The following MYCBP2 variants were observed in gnomAD, a reference collection of about 807,000 sequenced individuals.
MYCBP2 encodes the protein E3 ubiquitin-protein ligase MYCBP2.
MYCBP2 carries 120 observed loss-of-function variants against 525.3 expected under a neutral mutation model. The ratio of observed to expected loss-of-function variants is 0.23; its 90% CI spans 0.20 to 0.27. The LOEUF (loss-of-function observed/expected upper bound fraction) is 0.27. Ranked by LOEUF, MYCBP2 falls within the 10% of genes least tolerant of loss-of-function variation. The pLI, the probability that MYCBP2 is intolerant of heterozygous loss-of-function variation, is 1.00. For synonymous variants in MYCBP2, 1,894 were observed against 1,955.8 expected (o/e 0.97, Z 0.83); for missense variants, 4,149 against 5,657.1 (o/e 0.73, Z 8.55).
At chr13:77,239,995 T>C in intron 17 of MYCBP2, among the ~76,000 whole-genome samples, 1 of 152,280 alleles carries the variant, frequency 6.6e-6, no homozygotes, top group Admixed American at 6.5e-5. Flanking sequence ...ATAAAAAATA[T>C]CTATAAACTC....
At position 77,246,809 on chromosome 13, in the gene MYCBP2, T is replaced by C. The variant is rs907041219; in HGVS notation, c.2382-2858A>G. On this transcript the variant is annotated intron_variant, in intron 15 of 82. Transcript: ENST00000544440. ...AACGAAGTGGGATTTACTCCTGGAA[T>C]GCAACAAATGAAAATCAATCCATGT... 3.2e-4 allele frequency among the ~76,000 whole-genome samples: 49 copies of C among 152,082 alleles called. 2 individuals carry two copies. Among genetic ancestry groups the C allele is most frequent in the Non-Finnish European group, 4.4e-5 (3 of 68,022 alleles).
chr13:77,126,129 C>T (rs2051625983), intron 53 of MYCBP2, among the ~76,000 whole-genome samples, 189 bp downstream of exon 53: 2 of 152,176 alleles, frequency 1.3e-5, no homozygotes, highest in South Asian at 2.1e-4. Context: ...ATATTGTTTA[C>T]ACAAGGATAA....
At chr13:77,278,030 AC>A (rs1188246948) in intron 4 of MYCBP2, among the ~76,000 whole-genome samples, 4 of 152,240 alleles carry the variant, frequency 2.6e-5, no homozygotes, top group Admixed American at 6.5e-5. Context: ...ATCGGAACAT[AC>A]TTTAAGAAAA....
intron 55 of MYCBP2, among the ~76,000 whole-genome samples, chr13:77,115,574 A>G (rs557492922): frequency 2.0e-5 from 3 of 151,866 alleles, no homozygotes; most frequent in Admixed American, 2.0e-4. Flanking sequence ...CAAATATTCT[A>G]TTTTATGGAA....
At chr13:77,302,572 A>G (rs1036291058) in intron 1 of MYCBP2, among the ~76,000 whole-genome samples, 1 of 152,188 alleles carries the variant, frequency 6.6e-6, no homozygotes, top group African/African-American at 2.4e-5. Flanking sequence ...ACAAAAATAA[A>G]GATGTTTTTA....
chr13:77,179,948 G>A (rs766320735), intron 34 of MYCBP2, among the ~76,000 whole-genome samples, 179 bp downstream of exon 34: 1 of 152,088 alleles, frequency 6.6e-6, no homozygotes, highest in Admixed American at 6.5e-5. Flanking sequence ...TGGTGAGAGA[G>A]AAGTAACAAA....
intron 53 of MYCBP2, among the ~76,000 whole-genome samples, chr13:77,125,930 C>T (rs1042467843): frequency 6.6e-6 from 1 of 152,120 alleles, no homozygotes; most frequent in Non-Finnish European, 1.5e-5. Flanking sequence ...TTTATTTGCT[C>T]AGGACTTCAG....
intron 52 of MYCBP2, among the ~76,000 whole-genome samples, chr13:77,135,953 A>G (rs1461207179): frequency 6.6e-6 from 1 of 151,554 alleles, no homozygotes; most frequent in African/African-American, 2.4e-5. Context: ...TCTCTGCCTC[A>G]GCCTCCTGAG....
intron 55 of MYCBP2, among the ~76,000 whole-genome samples, chr13:77,120,290 C>A (rs1201136970): frequency 6.6e-6 from 1 of 152,044 alleles, no homozygotes; most frequent in Non-Finnish European, 1.5e-5. Context: ...AGTAAGCGAG[C>A]AGATGATACC....
intron 2 of MYCBP2, among the ~76,000 whole-genome samples, chr13:77,289,430 T>G (rs1040105550): frequency 5.3e-5 from 8 of 151,940 alleles, no homozygotes; most frequent in Non-Finnish European, 5.9e-5. Flanking sequence ...AAGCAACCAC[T>G]GTTGTAACAG....
chr13:77,238,735 G>C (rs917113361), intron 17 of MYCBP2, among the ~76,000 whole-genome samples: 2 of 152,068 alleles, frequency 1.3e-5, no homozygotes, highest in African/African-American at 4.8e-5. Context: ...TGCTTTCTTG[G>C]GTTTCAATAA....
At chr13:77,178,802 G>C (rs1438676497) in intron 34 of MYCBP2, among the ~76,000 whole-genome samples, 1 of 152,116 alleles carries the variant, frequency 6.6e-6, no homozygotes, top group African/African-American at 2.4e-5. Context: ...GTAACTTTTG[G>C]TATTCCTTTT....
chr13:77,321,967 C>G (rs961751457), intron 1 of MYCBP2, among the ~76,000 whole-genome samples: 6 of 152,056 alleles, frequency 3.9e-5, no homozygotes, highest in African/African-American at 1.2e-4. Flanking sequence ...TCAAGACCAG[C>G]CTGGACAACA....
intron 51 of MYCBP2, 140 bp downstream of exon 51, chr13:77,139,907 A>G: frequency 3.7e-6 from 2 of 542,572 alleles, no homozygotes; most frequent in South Asian, 5.9e-5. Context: ...CAATGAACAC[A>G]TTCTATAAAA....
At chr13:77,060,252 TA>T (rs1371251364) in intron 76 of MYCBP2, among the ~76,000 whole-genome samples, 1 of 152,208 alleles carries the variant, frequency 6.6e-6, no homozygotes, top group East Asian at 1.9e-4. Context: ...TAACTATAAT[TA>T]ATATCAATAT....
chr13:77,093,260 T>G lies in MYCBP2; in HGVS notation c.10272A>C (p.Ser3424=). 1 of 1,613,512 alleles carries G rather than the reference T, an allele frequency of 6.2e-7. No homozygotes were observed. The highest frequency in any genetic ancestry group is 2.2e-5 in the East Asian group (1 of 44,832). Residue 3424 remains serine (S), a synonymous_variant, in exon 59 of 83, where the codon TCA becomes TCC. Transcript: ENST00000544440. ...LFQDEMRYLR[S]TSVPAPYISV... Reference sequence around the variant, plus strand: ...ATATATACGGGGCAGGTACAGATGTTGAACGTAGATATCTCATTTCATCCT... The same window carrying G: ...ATATATACGGGGCAGGTACAGATGTGGAACGTAGATATCTCATTTCATCCT...
At position 77,051,806 on chromosome 13, in the gene MYCBP2, C is replaced by A; in HGVS notation, c.13755+5G>T. 3 of 1,607,952 alleles carry A rather than the reference C, an allele frequency of 1.9e-6. No individual in the cohort carries two copies. The highest frequency in any genetic ancestry group is 2.6e-6 in the Non-Finnish European group (3 of 1,175,098). ...CTGTTGTTTCTAATAAAATGTTCTGCCTACCTGAGCCCTGGAAACATCAGA... is the reference window on the plus strand; with the variant it reads ...CTGTTGTTTCTAATAAAATGTTCTGACTACCTGAGCCCTGGAAACATCAGA... On this transcript the variant is annotated splice_donor_5th_base_variant and intron_variant, in intron 81 of 82. Coordinates refer to ENST00000544440, the MANE Select transcript of MYCBP2 (RefSeq NM_015057.5).
intron 1 of MYCBP2, among the ~76,000 whole-genome samples, chr13:77,303,468 G>A (rs544664802): frequency 5.3e-5 from 8 of 152,056 alleles, no homozygotes; most frequent in African/African-American, 1.9e-4. Context: ...ATAATATGCT[G>A]GACCACAGAC....
chr13:77,145,028 C>T (rs1278778281), intron 48 of MYCBP2, among the ~76,000 whole-genome samples: 1 of 152,180 alleles, frequency 6.6e-6, no homozygotes, highest in Non-Finnish European at 1.5e-5. Flanking sequence ...TCGATTAGCA[C>T]ACAAACTTTA....
Sources: allele counts gnomAD v4.1 joint callset (sites outside exome capture counted in the v4.1 genomes callset), GRCh38; gene constraint gnomAD v4.1.1; transcripts MANE v1.5; gene names NCBI Gene and HGNC (gene_info 2026-07-23, HGNC 2026-07-21).